ULK4: variants seen among roughly 807,000 people sequenced by gnomAD.
The protein encoded by ULK4 is inactive serine/threonine-protein kinase ULK4.
ULK4 carries 133 observed loss-of-function variants against 160.6 expected under a neutral mutation model. The observed-to-expected ratio is 0.83, with a 90% CI of 0.72 to 0.96. The LOEUF is 0.96. Among genes scored for constraint, ULK4 ranks in the 40% least tolerant of loss-of-function variants. The pLI is 0.00. For missense variants in ULK4, 1,580 were observed against 1,499.5 expected, an observed-to-expected ratio of 1.05 and a Z score of -0.89; for synonymous variants, 534 against 539.8, an observed-to-expected ratio of 0.99 and a Z score of 0.15.
At chr3:41,406,138 T>G (rs2125822697) in intron 34 of ULK4, among the ~76,000 whole-genome samples, 1 of 152,360 alleles carries the variant, frequency 6.6e-6, no homozygotes, top group Middle Eastern at 3.4e-3. Flanking sequence ...TTCAGCTAAT[T>G]TTTGTATATG....
At position 41,819,427 on chromosome 3, in the gene ULK4, TC is replaced by T. The variant is rs758249696; in HGVS notation, c.1843del (p.Glu615LysfsTer7). The T allele has an allele frequency of 2.5e-5, 41 of 1,613,268 alleles. 2 individuals carry two copies. In the South Asian group the frequency reaches 4.5e-4, roughly 18 times the overall value. ...AGGACAACAAAGGAGCCTTACCCCTTCCCGAAGGCACCTCATTAGCACTGTG... is the reference window on the plus strand; with the variant it reads ...AGGACAACAAAGGAGCCTTACCCCTTCCGAAGGCACCTCATTAGCACTGTG... The part of the protein sequence containing the change: ...AYTVLMRCLR[E>X]GEERVVNHMA... On this transcript the variant is annotated frameshift_variant, in exon 19 of 37. Transcript: ENST00000301831. LOFTEE classifies it high-confidence loss of function.
chr3:41,325,665 C>T (rs148336202), intron 35 of ULK4, among the ~76,000 whole-genome samples: 1 of 152,104 alleles, frequency 6.6e-6, no homozygotes, highest in African/African-American at 2.4e-5. Context: ...CCTGTAATCC[C>T]AGCACTTTGG....
intron 27 of ULK4, among the ~76,000 whole-genome samples, chr3:41,682,572 C>A (rs2035958907): frequency 6.6e-6 from 1 of 152,236 alleles, no homozygotes; most frequent in Non-Finnish European, 1.5e-5. Context: ...CAAAACAACG[C>A]CCTGCACAGG....
At chr3:41,705,032 T>G (rs1377817754) in intron 27 of ULK4, 25 bp downstream of exon 27, 1 of 1,577,566 alleles carries the variant, frequency 6.3e-7, no homozygotes, top group Non-Finnish European at 8.6e-7. Context: ...AAAAGGAGCT[T>G]TTTTCAAAAG....
At chr3:41,525,966 C>G (rs971295191) in intron 32 of ULK4, among the ~76,000 whole-genome samples, 2 of 152,108 alleles carry the variant, frequency 1.3e-5, no homozygotes, top group African/African-American at 4.8e-5. Context: ...TTCAGTTGTG[C>G]TTATTTGGTC....
chr3:41,742,812 C>A (rs1413884519), intron 22 of ULK4, among the ~76,000 whole-genome samples: 1 of 151,674 alleles, frequency 6.6e-6, no homozygotes, highest in Non-Finnish European at 1.5e-5. Context: ...TGAAAAAATA[C>A]AATAACCGAA....
intron 30 of ULK4, among the ~76,000 whole-genome samples, chr3:41,622,776 T>C (rs1356302829): frequency 6.6e-6 from 1 of 152,146 alleles, no homozygotes; most frequent in Non-Finnish European, 1.5e-5. Flanking sequence ...AAAAGAACAA[T>C]ATTTGAATCT....
At chr3:41,361,314 T>C (rs1458978316) in intron 35 of ULK4, among the ~76,000 whole-genome samples, 1 of 152,114 alleles carries the variant, frequency 6.6e-6, no homozygotes. Flanking sequence ...AAATAGGAAA[T>C]GGCAAAGTTA....
intron 34 of ULK4, among the ~76,000 whole-genome samples, chr3:41,414,713 A>G (rs7613094): frequency 1.3e-5 from 2 of 152,182 alleles, no homozygotes; most frequent in Admixed American, 6.5e-5. Context: ...TCACTTTCAT[A>G]TATCACTCCT....
intron 32 of ULK4, among the ~76,000 whole-genome samples, chr3:41,513,859 A>C (rs1443476005): frequency 6.6e-6 from 1 of 152,198 alleles, no homozygotes; most frequent in Non-Finnish European, 1.5e-5. Context: ...CACCGGGTAC[A>C]GTGCACACTG....
chr3:41,565,454 T>C (rs974763666), intron 32 of ULK4, among the ~76,000 whole-genome samples: 2 of 152,174 alleles, frequency 1.3e-5, no homozygotes, highest in African/African-American at 4.8e-5. Context: ...ATTATGGTAT[T>C]TGAGAGGTGA....
intron 32 of ULK4, among the ~76,000 whole-genome samples, chr3:41,525,775 C>G (rs2086094716): frequency 6.6e-6 from 1 of 152,188 alleles, no homozygotes; most frequent in South Asian, 2.1e-4. Context: ...CTATTTTTAA[C>G]TCTTTCACCT....
At chr3:41,299,859 T>C (rs1359045468) in intron 35 of ULK4, among the ~76,000 whole-genome samples, 3 of 152,234 alleles carry the variant, frequency 2.0e-5, no homozygotes, top group African/African-American at 7.2e-5. Context: ...ATGCTCATGT[T>C]GGTAGACTTT....
intron 4 of ULK4, among the ~76,000 whole-genome samples, chr3:41,934,397 TC>T (rs1699694560): frequency 6.6e-6 from 1 of 152,206 alleles, no homozygotes; most frequent in African/African-American, 2.4e-5. Context: ...AAATGAAATA[TC>T]CAGCTTTTTC....
chr3:41,324,724 A>G (rs77650712), intron 35 of ULK4, among the ~76,000 whole-genome samples: 3,353 of 152,258 alleles, frequency 0.022, 62 homozygotes, highest in Non-Finnish European at 0.034. Context: ...TTTGAGTGGA[A>G]GGTCACCTTC....
intron 32 of ULK4, among the ~76,000 whole-genome samples, chr3:41,527,530 G>A (rs78272682): frequency 0.023 from 3,500 of 152,250 alleles, 118 homozygotes; most frequent in African/African-American, 0.074. Context: ...TAGGGCTAAC[G>A]CCAGTGGCAT....
At chr3:41,730,359 T>A (rs2037782791) in intron 22 of ULK4, among the ~76,000 whole-genome samples, 1 of 152,110 alleles carries the variant, frequency 6.6e-6, no homozygotes, top group Non-Finnish European at 1.5e-5. Flanking sequence ...GAGTTCGTTC[T>A]TTGAAAATAT....
chr3:41,495,810 CAA>C (rs955740246), intron 32 of ULK4, among the ~76,000 whole-genome samples: 5 of 151,526 alleles, frequency 3.3e-5, no homozygotes, highest in African/African-American at 1.2e-4. Flanking sequence ...TTTACGCAGC[CAA>C]AAGACACATG....
chr3:41,753,099 C>T (rs1283732250), intron 22 of ULK4, among the ~76,000 whole-genome samples: 1 of 152,100 alleles, frequency 6.6e-6, no homozygotes, highest in Non-Finnish European at 1.5e-5. Context: ...CCTGTAGTCC[C>T]AGCTACTCCA....
Sources: allele counts gnomAD v4.1 joint callset (sites outside exome capture counted in the v4.1 genomes callset), GRCh38; gene constraint gnomAD v4.1.1; transcripts MANE v1.5; gene names NCBI Gene and HGNC (gene_info 2026-07-23, HGNC 2026-07-21).